NKAIN2: variants seen among roughly 807,000 people sequenced by gnomAD.
NKAIN2 encodes the protein sodium/potassium-transporting ATPase subunit beta-1-interacting protein 2.
In NKAIN2, 14 loss-of-function variants were observed where a neutral mutation model predicts 32.6. The observed-to-expected ratio is 0.43, with a 90% CI of 0.28 to 0.67. The LOEUF is 0.67. NKAIN2 is among the 30% of genes least tolerant of loss of function. NKAIN2 has a pLI of 0.17. For missense variants in NKAIN2, 198 were observed against 258.3 expected (o/e 0.77, Z 1.60); for synonymous variants, 80 against 87.2 (o/e 0.92, Z 0.46).
chr6:123,901,256 G>T (rs1349021424), intron 1 of NKAIN2, among the ~76,000 whole-genome samples: 2 of 152,058 alleles, frequency 1.3e-5, no homozygotes, highest in Non-Finnish European at 2.9e-5. Context: ...TTAGAAAGCA[G>T]CCAGTGAAGT....
intron 3 of NKAIN2, among the ~76,000 whole-genome samples, chr6:124,490,962 C>G (rs530900425): frequency 1.3e-5 from 2 of 151,932 alleles, no homozygotes; most frequent in Non-Finnish European, 2.9e-5. Flanking sequence ...ATTTTAGAAG[C>G]AACATTATTT....
intron 4 of NKAIN2, among the ~76,000 whole-genome samples, chr6:124,761,463 T>C (rs1391507802): frequency 2.0e-5 from 3 of 152,196 alleles, no homozygotes; most frequent in African/African-American, 7.2e-5. Context: ...ACCACCTCTT[T>C]CTGCCCCTTA....
At position 124,073,597 on chromosome 6, in the gene NKAIN2, G is replaced by A. The variant is rs74634845; in HGVS notation, c.55-209408G>A. On this transcript the variant is annotated intron_variant, in intron 1 of 6. Coordinates refer to ENST00000368417, the MANE Select transcript of NKAIN2 (RefSeq NM_001040214.3). ...GTTAGGCTTTAACCTTTCCACAATA[G>A]GTATTTGGACACTTATATTTTAAAG... Among the ~76,000 whole-genome samples the A allele has an allele frequency of 9.9e-3, 1,505 of 152,058 alleles. 13 individuals carry two copies. Among genetic ancestry groups the A allele is most frequent in the Non-Finnish European group, 0.015 (994 of 67,982 alleles).
intron 3 of NKAIN2, among the ~76,000 whole-genome samples, chr6:124,466,315 G>A (rs1776753375): frequency 6.6e-6 from 1 of 152,108 alleles, no homozygotes; most frequent in Admixed American, 6.5e-5. Flanking sequence ...GAAAACTGAA[G>A]AGCCTCCTGT....
At chr6:124,205,225 G>T (rs753917401) in intron 1 of NKAIN2, among the ~76,000 whole-genome samples, 5 of 151,800 alleles carry the variant, frequency 3.3e-5, no homozygotes, top group East Asian at 1.9e-4. Context: ...GGACAATTCC[G>T]TGAGGAAGGG....
chr6:124,324,973 G>A (rs6899511), intron 2 of NKAIN2, among the ~76,000 whole-genome samples: 18,096 of 151,872 alleles, frequency 0.12, 1,436 homozygotes, highest in East Asian at 0.26. Flanking sequence ...TTGCATCTAT[G>A]ATCATGACAG....
chr6:124,707,685 G>T (rs1051180720), intron 4 of NKAIN2, among the ~76,000 whole-genome samples: 58 of 151,758 alleles, frequency 3.8e-4, no homozygotes, highest in African/African-American at 1.4e-3. Flanking sequence ...TTTTGATGGG[G>T]TTGTTTGTTT....
At chr6:124,672,545 G>T (rs868214820) in intron 4 of NKAIN2, among the ~76,000 whole-genome samples, 7 of 152,050 alleles carry the variant, frequency 4.6e-5, no homozygotes, top group Middle Eastern at 3.4e-3. Context: ...AACAAAAGAG[G>T]ACCATTAGTC....
At chr6:124,379,904 A>G (rs1470743781) in intron 3 of NKAIN2, among the ~76,000 whole-genome samples, 1 of 152,130 alleles carries the variant, frequency 6.6e-6, no homozygotes, top group Non-Finnish European at 1.5e-5. Flanking sequence ...GAAAATTAAC[A>G]AAAGTTCTGG....
chr6:123,904,952 A>G (rs1774790908), intron 1 of NKAIN2, among the ~76,000 whole-genome samples: 2 of 152,332 alleles, frequency 1.3e-5, no homozygotes, highest in South Asian at 2.1e-4. Flanking sequence ...GAAATCAATA[A>G]TCATGAAATT....
chr6:124,817,243 A>AT (rs368809922), intron 5 of NKAIN2, among the ~76,000 whole-genome samples: 1,668 of 146,774 alleles, frequency 0.011, 13 homozygotes, highest in Non-Finnish European at 0.016. Context: ...ATTTTTTGGC[A>AT]TTTTTTTTTT....
intron 1 of NKAIN2, among the ~76,000 whole-genome samples, chr6:124,232,924 C>T (rs1162507981): frequency 3.3e-5 from 5 of 152,104 alleles, no homozygotes; most frequent in African/African-American, 7.2e-5. Flanking sequence ...TTATGTTATT[C>T]GGTAAAAACA....
intron 1 of NKAIN2, among the ~76,000 whole-genome samples, chr6:123,993,268 A>G (rs7761506): frequency 0.041 from 6,276 of 152,250 alleles, 246 homozygotes; most frequent in South Asian, 0.13. Flanking sequence ...CATTATAATT[A>G]GTAAGTGGTA....
chr6:124,786,812 A>G (rs761884231), intron 4 of NKAIN2, among the ~76,000 whole-genome samples: 1 of 152,156 alleles, frequency 6.6e-6, no homozygotes, highest in Non-Finnish European at 1.5e-5. Flanking sequence ...CCCTTCCATT[A>G]TTATTCTAAG....
chr6:124,026,100 A>G (rs1219230027), intron 1 of NKAIN2, among the ~76,000 whole-genome samples: 2 of 152,142 alleles, frequency 1.3e-5, no homozygotes, highest in African/African-American at 4.8e-5. Flanking sequence ...TTGTCCAATC[A>G]TGTTTCTCTA....
At chr6:124,758,956 C>A (rs1778089169) in intron 4 of NKAIN2, among the ~76,000 whole-genome samples, 1 of 152,184 alleles carries the variant, frequency 6.6e-6, no homozygotes, top group South Asian at 2.1e-4. Flanking sequence ...AGGAGCCTAT[C>A]CTTCAGAATT....
At chr6:123,881,608 T>G (rs2114329442) in intron 1 of NKAIN2, among the ~76,000 whole-genome samples, 1 of 152,344 alleles carries the variant, frequency 6.6e-6, no homozygotes, top group South Asian at 2.1e-4. Context: ...AGGAACTGTT[T>G]TTAGAGTCTG....
At chr6:124,087,065 T>C (rs1394802066) in intron 1 of NKAIN2, among the ~76,000 whole-genome samples, 2 of 151,946 alleles carry the variant, frequency 1.3e-5, no homozygotes, top group African/African-American at 4.8e-5. Flanking sequence ...ATTTTAAAAA[T>C]GTAGATGGCA....
chr6:123,884,886 T>C (rs894036514), intron 1 of NKAIN2, among the ~76,000 whole-genome samples: 1 of 152,146 alleles, frequency 6.6e-6, no homozygotes, highest in African/African-American at 2.4e-5. Context: ...ATTTTAACAG[T>C]GTCTATATTT....
Sources: gnomAD v4.1 joint callset for allele counts (sites outside exome capture counted in the v4.1 genomes callset) on GRCh38, gnomAD v4.1.1 for gene constraint, MANE v1.5 for transcripts, NCBI Gene and HGNC (gene_info 2026-07-23, HGNC 2026-07-21) for gene names.